Variants in TANC1 observed in about 807,000 individuals in gnomAD.
TANC1 encodes the protein protein TANC1.
In TANC1, 77 loss-of-function variants were observed where a neutral mutation model predicts 149.7. The ratio of observed to expected loss-of-function variants is 0.51; its 90% CI spans 0.43 to 0.62. The LOEUF (loss-of-function observed/expected upper bound fraction) is 0.62. Ranked by LOEUF, TANC1 falls within the 20% of genes least tolerant of loss-of-function variation. TANC1 has a pLI of 0.00. For synonymous variants in TANC1, 854 were observed against 925.0 expected (o/e 0.92, Z 1.39); for missense variants, 1,985 against 2,321.8 (o/e 0.85, Z 2.98).
chr2:159,109,001 T>C (rs1020225332), intron 4 of TANC1, among the ~76,000 whole-genome samples: 1 of 152,176 alleles, frequency 6.6e-6, no homozygotes, highest in African/African-American at 2.4e-5. Context: ...GAAACACTCT[T>C]CAAAGGAGAT....
At position 159,092,265 on chromosome 2, in the gene TANC1, C is replaced by G. The variant is rs537197104; in HGVS notation, c.62-5372C>G. Among the ~76,000 whole-genome samples, 72 of 152,322 alleles carry G rather than the reference C, an allele frequency of 4.7e-4. 1 individual carries two copies. Among genetic ancestry groups the G allele is most frequent in the Admixed American group, 4.7e-3 (72 of 15,300 alleles). Reference sequence around the variant, plus strand: ...TGTCTAAGTGCACCCTTGCCTTTCTCAGGCCTTCCCTTCCTGAAATATGCT... The same window carrying G: ...TGTCTAAGTGCACCCTTGCCTTTCTGAGGCCTTCCCTTCCTGAAATATGCT... On this transcript the variant is annotated intron_variant, in intron 3 of 26. Transcript: ENST00000263635.
chr2:158,992,590 C>T (rs1200138337), intron 1 of TANC1, among the ~76,000 whole-genome samples: 1 of 151,922 alleles, frequency 6.6e-6, no homozygotes, highest in Non-Finnish European at 1.5e-5. Flanking sequence ...ACAAGTTCTG[C>T]CTCCAGGGTT....
At chr2:159,113,062 G>C (rs562357828) in intron 4 of TANC1, among the ~76,000 whole-genome samples, 1 of 152,094 alleles carries the variant, frequency 6.6e-6, no homozygotes, top group Non-Finnish European at 1.5e-5. Context: ...AGCCTCCCAA[G>C]TAGCTGGGAC....
At chr2:159,221,030 G>A (rs1014766281) in intron 22 of TANC1, among the ~76,000 whole-genome samples, 2 of 152,118 alleles carry the variant, frequency 1.3e-5, no homozygotes, top group Non-Finnish European at 2.9e-5. Context: ...GAGCATTTGA[G>A]ATCTCTTTTA....
At chr2:159,126,472 A>T (rs1214744342) in intron 4 of TANC1, among the ~76,000 whole-genome samples, 1 of 152,198 alleles carries the variant, frequency 6.6e-6, no homozygotes, top group Non-Finnish European at 1.5e-5. Flanking sequence ...AAATATCATC[A>T]ATTTCACCAC....
At chr2:159,003,648 G>C (rs1031374045) in intron 2 of TANC1, among the ~76,000 whole-genome samples, 2 of 152,220 alleles carry the variant, frequency 1.3e-5, no homozygotes, top group African/African-American at 4.8e-5. Flanking sequence ...AACAATATTT[G>C]GGTTGGAGTT....
intron 3 of TANC1, among the ~76,000 whole-genome samples, chr2:159,076,863 T>C (rs1230306600): frequency 1.3e-5 from 2 of 152,228 alleles, no homozygotes; most frequent in East Asian, 3.8e-4. Flanking sequence ...CTTCCTTTAT[T>C]ATCTCACACC....
In TANC1 at chr2:159,056,622, A is replaced by G. The variant is rs538580473; in HGVS notation, c.-15-9274A>G. ...GAGCCACTGCGCCTGGCCAGGTTTC[A>G]GTTTTTCATGGTCAGAGTTGTAACA... On this transcript the variant is annotated intron_variant, in intron 2 of 26. Transcript: ENST00000263635. 17 of 160,372 alleles carry G rather than the reference A, an allele frequency of 1.1e-4. No individual in the cohort carries two copies. In the East Asian group the frequency reaches 3.0e-3, roughly 28 times the overall value. The allele number at this position is 160,372 out of a possible 1,614,324, so 9.9% of individuals were successfully genotyped here. A position where few individuals can be genotyped will look rare whatever the true frequency, so the allele number is the denominator to read the frequency against.
intron 3 of TANC1, among the ~76,000 whole-genome samples, chr2:159,096,009 T>A (rs2046087308): frequency 1.3e-5 from 2 of 152,022 alleles, no homozygotes. Context: ...GTATGTGTGG[T>A]TTTTTTGGTT....
chr2:159,007,141 T>TTG (rs2037277523), intron 2 of TANC1, among the ~76,000 whole-genome samples: 1 of 141,020 alleles, frequency 7.1e-6, no homozygotes, highest in Non-Finnish European at 1.5e-5. Flanking sequence ...TAATACTGTT[T>TTG]TTTTTTTTTT....
chr2:158,982,614 T>G (rs75829153), intron 1 of TANC1, among the ~76,000 whole-genome samples: 2,067 of 152,310 alleles, frequency 0.014, 50 homozygotes, highest in African/African-American at 0.047. Flanking sequence ...TTCATTTGTT[T>G]ATTTAGTTTT....
At chr2:159,057,194 C>T (rs983430758) in intron 2 of TANC1, among the ~76,000 whole-genome samples, 3 of 152,330 alleles carry the variant, frequency 2.0e-5, no homozygotes, top group South Asian at 4.1e-4. Flanking sequence ...GGATTACAGG[C>T]GTGAGCCACC....
chr2:159,228,100 A>G (rs2060126384), intron 25 of TANC1, 135 bp downstream of exon 25: 2 of 955,330 alleles, frequency 2.1e-6, no homozygotes, highest in Non-Finnish European at 3.1e-6. Context: ...TGAACCTGGC[A>G]TGTGGGAAAC....
At chr2:159,099,508 A>C (rs1169570683) in intron 4 of TANC1, among the ~76,000 whole-genome samples, 4 of 150,552 alleles carry the variant, frequency 2.7e-5, no homozygotes, top group South Asian at 4.2e-4. Context: ...AAAAAAAAAA[A>C]CAAAACAAAA....
intron 1 of TANC1, among the ~76,000 whole-genome samples, chr2:158,995,942 T>G (rs542679708): frequency 7.9e-5 from 12 of 152,342 alleles, no homozygotes; most frequent in East Asian, 3.9e-4. Flanking sequence ...AGAAACTGAT[T>G]CTGTTTCTTC....
At chr2:159,180,014 C>CT (rs2056318476) in intron 14 of TANC1, among the ~76,000 whole-genome samples, 2 of 152,310 alleles carry the variant, frequency 1.3e-5, no homozygotes, top group South Asian at 4.1e-4. Flanking sequence ...CAGCTGACCC[C>CT]TTAGGCATTT....
chr2:159,061,334 C>T (rs946008627), intron 2 of TANC1, among the ~76,000 whole-genome samples: 1 of 152,142 alleles, frequency 6.6e-6, no homozygotes, highest in Non-Finnish European at 1.5e-5. Context: ...GAAAGGAGGT[C>T]CCTCTGACCT....
intron 14 of TANC1, among the ~76,000 whole-genome samples, chr2:159,181,179 A>C (rs940791556): frequency 7.2e-5 from 11 of 152,100 alleles, no homozygotes; most frequent in Non-Finnish European, 1.6e-4. Flanking sequence ...TTAACACATC[A>C]CGGGCACCTT....
chr2:159,173,649 T>G (rs1276348222), intron 11 of TANC1, among the ~76,000 whole-genome samples: 1 of 152,124 alleles, frequency 6.6e-6, no homozygotes, highest in Non-Finnish European at 1.5e-5. Flanking sequence ...GACCCACTGT[T>G]GGGTTGCCAA....
Sources: gnomAD v4.1 joint callset for allele counts (sites outside exome capture counted in the v4.1 genomes callset) on GRCh38, gnomAD v4.1.1 for gene constraint, MANE v1.5 for transcripts, NCBI Gene and HGNC (gene_info 2026-07-23, HGNC 2026-07-21) for gene names.